Variants in ZFP64 observed in about 807,000 individuals in gnomAD.
The protein encoded by ZFP64 is ZFP64 zinc finger protein.
In ZFP64, 14 loss-of-function variants were observed where a neutral mutation model predicts 51.6. The observed-to-expected ratio is 0.27, with a 90% CI of 0.18 to 0.42. The LOEUF (loss-of-function observed/expected upper bound fraction) is 0.42. Among genes scored for constraint, ZFP64 ranks in the 10% least tolerant of loss-of-function variants. The pLI, the probability that ZFP64 is intolerant of heterozygous loss-of-function variation, is 1.00. For synonymous variants in ZFP64, 375 were observed against 361.4 expected (o/e 1.04, Z -0.43); for missense variants, 754 against 906.8 (o/e 0.83, Z 2.16).
chr20:52,169,604 T>C (rs1982551822), intron 2 of ZFP64, among the ~76,000 whole-genome samples: 1 of 152,182 alleles, frequency 6.6e-6, no homozygotes, highest in African/African-American at 2.4e-5. Context: ...TTAACTGTCC[T>C]CTACCATAAG....
chr20:52,108,882 AC>A (rs1978397818), intron 5 of ZFP64, among the ~76,000 whole-genome samples: 1 of 151,488 alleles, frequency 6.6e-6, no homozygotes, highest in Non-Finnish European at 1.5e-5. Flanking sequence ...ACACACACAC[AC>A]ACACACACAC....
intron 7 of ZFP64, among the ~76,000 whole-genome samples, chr20:52,091,501 G>A (rs1295925950): frequency 6.6e-6 from 1 of 152,124 alleles, no homozygotes; most frequent in Admixed American, 6.5e-5. Flanking sequence ...AAATCATGGT[G>A]AAATCCATTA....
At chr20:52,126,495 C>T (rs539894115) in intron 5 of ZFP64, among the ~76,000 whole-genome samples, 40 of 152,302 alleles carry the variant, frequency 2.6e-4, no homozygotes, top group African/African-American at 9.4e-4. Flanking sequence ...TAAAGGTAAT[C>T]TGGGTGCGTC....
intron 7 of ZFP64, among the ~76,000 whole-genome samples, chr20:52,096,522 C>T (rs1476393203): frequency 1.3e-5 from 2 of 152,200 alleles, no homozygotes; most frequent in East Asian, 1.9e-4. Context: ...CCAATATTCT[C>T]GCTCAAACAT....
rs1273159219 is a variant in ZFP64 at position 52,105,110 on chromosome 20, G to T, written c.764-6523C>A. ...AGCACCGGCCCCCAGCCCCCGGGCG[G>T]GGCTCCAGCGGCGCTACTCACCCGG... is the stretch of plus-strand genomic sequence containing the variant. On this transcript the variant is annotated intron_variant, in intron 5 of 8. Transcript: ENST00000361387. 4.3e-6 allele frequency: 6 copies of T among 1,398,314 alleles called. No individual in the cohort carries two copies. The African/African-American group carries it at 9.1e-5, about 21-fold the overall frequency. 86.6% of individuals were successfully genotyped at this position (1,398,314 alleles called of 1,614,324 possible).
intron 2 of ZFP64, chr20:52,176,153 C>G (rs1600807564): frequency 6.0e-6 from 1 of 166,430 alleles, no homozygotes; most frequent in South Asian, 2.0e-4. Flanking sequence ...GTTAAAGTCC[C>G]AACTATGACC....
At chr20:52,090,403 G>GA (rs999379049) in intron 7 of ZFP64, among the ~76,000 whole-genome samples, 14 of 150,348 alleles carry the variant, frequency 9.3e-5, no homozygotes, top group South Asian at 4.2e-4. Flanking sequence ...CTGTACACCA[G>GA]AAAAAAAAAT....
chr20:52,094,634 C>T (rs1256407491), intron 7 of ZFP64, among the ~76,000 whole-genome samples: 3 of 152,166 alleles, frequency 2.0e-5, no homozygotes, highest in Non-Finnish European at 2.9e-5. Context: ...TGGGGCATGC[C>T]TGCAGCCCCA....
chr20:52,157,954 A>G (rs879334116), intron 5 of ZFP64, among the ~76,000 whole-genome samples: 1 of 152,200 alleles, frequency 6.6e-6, no homozygotes, highest in Non-Finnish European at 1.5e-5. Flanking sequence ...TTTGCTAAGA[A>G]TGATGGTTTC....
chr20:52,120,647 C>A (rs1979137935), intron 5 of ZFP64, among the ~76,000 whole-genome samples: 1 of 125,944 alleles, frequency 7.9e-6, no homozygotes, highest in Non-Finnish European at 1.6e-5. Flanking sequence ...TTTATTATAT[C>A]TGTTAATGTG....
At position 52,170,053 on chromosome 20, in the gene ZFP64, CA is replaced by C. The variant is rs1057418026; in HGVS notation, c.287-4029del. The stretch of plus-strand genomic sequence containing the variant: ...GGGCAACAAGAGCAAAATTCCGTCT[CA>C]AAAAAAAAAAATTAATATAGTCCCA... On this transcript the variant is annotated intron_variant, in intron 2 of 5. Transcript: ENST00000216923. 6.1e-3 allele frequency among the ~76,000 whole-genome samples: 875 copies of C among 142,522 alleles called. 14 individuals are homozygous for C. Among genetic ancestry groups the C allele is most frequent in the African/African-American group, 0.02 (774 of 39,012 alleles). 93.5% of individuals were successfully genotyped at this position (142,522 alleles called of 152,430 possible).
In ZFP64 at chr20:52,187,046, C is replaced by T; in HGVS notation, c.72G>A (p.Val24=). ...VQIPGGTTVL[V]ELTPDIHICG... is the part of the protein sequence containing the mutation. The stretch of plus-strand genomic sequence containing the variant: ...AGATATGGATGTCGGGAGTCAGCTC[C>T]ACCAGCACCGTTGTGCCACCTGGAA... Residue 24 remains valine, a synonymous_variant, in exon 2 of 6, where the codon GTG becomes GTA. Coordinates refer to ENST00000216923, the MANE Select transcript of ZFP64 (RefSeq NM_018197.3). 1 of 1,610,416 alleles carries T rather than the reference C, an allele frequency of 6.2e-7. No individual in the cohort carries two copies. Among genetic ancestry groups the T allele is most frequent in the Non-Finnish European group, 8.5e-7 (1 of 1,176,910 alleles).
chr20:52,103,744 G>T (rs1385962058), intron 5 of ZFP64, among the ~76,000 whole-genome samples: 3 of 152,232 alleles, frequency 2.0e-5, no homozygotes, highest in Non-Finnish European at 4.4e-5. Flanking sequence ...CCTCGACCCA[G>T]GGGACGGGAT....
intron 5 of ZFP64, among the ~76,000 whole-genome samples, chr20:52,157,182 G>A (rs1289618921): frequency 6.6e-6 from 1 of 152,172 alleles, no homozygotes. Flanking sequence ...AGAATGGTGA[G>A]AATTAAGTTG....
chr20:52,179,404 A>G (rs1983461789), intron 2 of ZFP64, among the ~76,000 whole-genome samples: 1 of 152,226 alleles, frequency 6.6e-6, no homozygotes, highest in African/African-American at 2.4e-5. Flanking sequence ...CATGTGCTTC[A>G]GGCATATAAA....
At chr20:52,123,280 T>C (rs1156688233) in intron 5 of ZFP64, among the ~76,000 whole-genome samples, 3 of 152,200 alleles carry the variant, frequency 2.0e-5, no homozygotes, top group Admixed American at 2.0e-4. Flanking sequence ...ACTGCTGGAT[T>C]ACAGGCATGA....
chr20:52,124,326 CACT>C (rs1194186294), intron 5 of ZFP64, among the ~76,000 whole-genome samples: 3 of 151,794 alleles, frequency 2.0e-5, no homozygotes, highest in African/African-American at 7.3e-5. Flanking sequence ...CAAAAGAAAC[CACT>C]ACAAGTGATT....
chr20:52,098,614 G>A, intron 5 of ZFP64: 1 of 1,613,774 alleles, frequency 6.2e-7, no homozygotes, highest in Admixed American at 1.7e-5. Context: ...GTTTTGCTTA[G>A]TTTCTCATTT....
At chr20:52,178,689 CA>C (rs1421671915) in intron 2 of ZFP64, among the ~76,000 whole-genome samples, 7 of 152,144 alleles carry the variant, frequency 4.6e-5, no homozygotes, top group Admixed American at 4.6e-4. Context: ...CCACCCCCTC[CA>C]AACCACCATT....
Sources: gnomAD v4.1 joint callset for allele counts (sites outside exome capture counted in the v4.1 genomes callset) on GRCh38, gnomAD v4.1.1 for gene constraint, MANE v1.5 for transcripts, NCBI Gene and HGNC (gene_info 2026-07-23, HGNC 2026-07-21) for gene names.